The following ACP7 variants were observed in gnomAD, a reference collection of about 807,000 sequenced individuals.
ACP7 encodes the protein acid phosphatase 7, tartrate resistant (putative).
Under a neutral mutation model 60.6 loss-of-function variants are expected in ACP7, and 58 were observed. The observed-to-expected ratio is 0.96, with a 90% CI of 0.77 to 1.19. The LOEUF is 1.19. Ranked by LOEUF, ACP7 falls within the 50% of genes most tolerant of loss-of-function variation. The pLI, the probability that ACP7 is intolerant of heterozygous loss-of-function variation, is 0.00. For missense variants in ACP7, 574 were observed against 596.2 expected (o/e 0.96, Z 0.39); for synonymous variants, 237 against 232.6 (o/e 1.02, Z -0.17).
At chr19:39,106,901 C>T (rs777821065) in intron 11 of ACP7, 46 bp from the exon 12 acceptor site, 12 of 1,606,768 alleles carry the variant, frequency 7.5e-6, no homozygotes, top group Middle Eastern at 3.4e-4. Flanking sequence ...TGCTTCCCCG[C>T]GGGTCCTCCA....
intron 11 of ACP7, among the ~76,000 whole-genome samples, chr19:39,103,466 T>TTTTTTTC (rs2073379606): frequency 9.5e-6 from 1 of 105,554 alleles, no homozygotes; most frequent in African/African-American, 3.2e-5. Context: ...TTTTTTTTTT[T>TTTTTTTC]GCTCAGCCTT....
At chr19:39,101,931 C>T (rs1278129301) in intron 11 of ACP7, among the ~76,000 whole-genome samples, 1 of 137,254 alleles carries the variant, frequency 7.3e-6, no homozygotes, top group Non-Finnish European at 1.5e-5. Context: ...TACAGCAAAA[C>T]CTTGTCTATA....
chr19:39,106,072 C>T (rs2073408224), intron 11 of ACP7, among the ~76,000 whole-genome samples: 1 of 152,180 alleles, frequency 6.6e-6, no homozygotes, highest in Non-Finnish European at 1.5e-5. Context: ...ATCCTTGCTT[C>T]AATCCAGTAC....
chr19:39,101,605 C>A, intron 11 of ACP7, 68 bp downstream of exon 11: 1 of 1,513,010 alleles, frequency 6.6e-7, no homozygotes, highest in East Asian at 2.4e-5. Flanking sequence ...AACTTTGTTC[C>A]AGACTGAGTG....
chr19:39,087,549 C>T (rs1396655898), intron 2 of ACP7, among the ~76,000 whole-genome samples: 3 of 151,778 alleles, frequency 2.0e-5, no homozygotes, highest in Admixed American at 6.6e-5. Context: ...GCAACCTCAA[C>T]TCCGAGACTC....
chr19:39,088,727 GT>G (rs1397936762), intron 2 of ACP7, among the ~76,000 whole-genome samples: 13 of 19,552 alleles, frequency 6.6e-4, no homozygotes, highest in African/African-American at 3.9e-3. Context: ...ATCTTTGTGG[GT>G]TTGTTTGTTT....
At position 39,110,211 on chromosome 19, in the gene ACP7, G is replaced by A. The variant is rs1034739141; in HGVS notation, c.*93G>A. ...CAGGCCTGGGTGGGGAGTTGGGTGG[G>A]CCCTGACTCCCCTGCCCTCCAGAGG... On this transcript the variant is annotated 3_prime_UTR_variant, in exon 13 of 13. Transcript: ENST00000331256. The A allele has an allele frequency of 2.1e-5, 25 of 1,218,914 alleles. No homozygotes were observed. The highest frequency in any genetic ancestry group is 3.0e-5 in the Non-Finnish European group (25 of 838,512). 75.5% of individuals were successfully genotyped at this position (1,218,914 alleles called of 1,614,324 possible). A position where few individuals can be genotyped will look rare whatever the true frequency, so the allele number is the denominator to read the frequency against.
rs2073440736 is a variant in ACP7 at position 39,109,021 on chromosome 19, C to T, written c.1252-1032C>T. ...ATTTTTAGTAGAGATGGGGTTTCAC[C>T]ATGTTAGCCAGGCTGGTCTTGAACT... On this transcript the variant is annotated intron_variant, in intron 12 of 12. Transcript: ENST00000331256. Among the ~76,000 whole-genome samples the T allele has an allele frequency of 1.3e-5, 2 of 152,040 alleles. 1 individual carries two copies. Among genetic ancestry groups the T allele is most frequent in the South Asian group, 4.2e-4 (2 of 4,818 alleles).
Position 39,100,964 on chromosome 19 carries a change from C to G in ACP7, c.823C>G (p.Arg275Gly). ...TTCTCCCTAGAAAGCCAATAAGAACCGGGCAGCCCGGCCGTGGATCATCAC... is the reference window on the plus strand; with the variant it reads ...TTCTCCCTAGAAAGCCAATAAGAACGGGGCAGCCCGGCCGTGGATCATCAC... ...ESDLQKANKN[R>G]AARPWIITMG... Residue 275 changes from arginine to glycine, a missense_variant, in exon 8 of 13, where the codon CGG (arginine) becomes GGG (glycine). Arg to Gly is a moderately radical substitution (Grantham distance 125). Coordinates refer to ENST00000331256, the MANE Select transcript of ACP7 (RefSeq NM_001004318.3). 1 of 1,613,566 alleles carries G rather than the reference C, an allele frequency of 6.2e-7. No homozygotes were observed. The highest frequency in any genetic ancestry group is 1.1e-5 in the South Asian group (1 of 91,076).
chr19:39,098,838 G>C, intron 3 of ACP7, 122 bp from the exon 4 acceptor site: 2 of 1,432,842 alleles, frequency 1.4e-6, no homozygotes, highest in African/African-American at 1.4e-5. Context: ...AGACCGAAGG[G>C]GCATGGGCCA....
intron 2 of ACP7, among the ~76,000 whole-genome samples, chr19:39,088,918 G>A (rs2073174338): frequency 6.7e-6 from 1 of 148,428 alleles, no homozygotes; most frequent in African/African-American, 2.5e-5. Context: ...GCTGATTTTT[G>A]TATTTGTATT....
intron 12 of ACP7, among the ~76,000 whole-genome samples, chr19:39,107,664 T>C (rs1204390872): frequency 6.7e-6 from 1 of 150,146 alleles, no homozygotes; most frequent in Non-Finnish European, 1.5e-5. Context: ...GGTGGGCAGA[T>C]CACTTGAAGT....
chr19:39,107,168 C>A (rs532191108), intron 12 of ACP7, 84 bp downstream of exon 12: 1 of 1,371,936 alleles, frequency 7.3e-7, no homozygotes, highest in Non-Finnish European at 9.6e-7. Flanking sequence ...TGGGCTCGGC[C>A]GGGCGCAGTG....
chr19:39,100,525 T>C, intron 5 of ACP7, 55 bp from the exon 6 acceptor site: 2 of 1,604,922 alleles, frequency 1.2e-6, no homozygotes, highest in African/African-American at 2.7e-5. Context: ...GGTATAGGAG[T>C]AGGGCTATGA....
intron 2 of ACP7, among the ~76,000 whole-genome samples, chr19:39,095,552 G>A (rs191143228): frequency 1.2e-3 from 179 of 152,320 alleles, no homozygotes; most frequent in Middle Eastern, 6.8e-3. Context: ...TTCACAGGCT[G>A]GCATTGAGTT....
At chr19:39,090,343 T>G (rs2073190234) in intron 2 of ACP7, among the ~76,000 whole-genome samples, 1 of 152,028 alleles carries the variant, frequency 6.6e-6, no homozygotes, top group African/African-American at 2.4e-5. Flanking sequence ...CAAGTTTTTG[T>G]AATTTAGTAG....
At position 39,107,003 on chromosome 19, in the gene ACP7, G is replaced by A. The variant is rs761043160; in HGVS notation, c.1170G>A (p.Val390=). ...TCTTCCCGAGGCCCTGGAGTGCCGTGCGTGTGAAGGAGTACGGGTATACGC... is the reference window on the plus strand; with the variant it reads ...TCTTCCCGAGGCCCTGGAGTGCCGTACGTGTGAAGGAGTACGGGTATACGC... ...FAVFPRPWSA[V]RVKEYGYTRL... Residue 390 remains valine, a synonymous_variant, in exon 12 of 13, where the codon GTG becomes GTA. Coordinates refer to ENST00000331256, the MANE Select transcript of ACP7 (RefSeq NM_001004318.3). 1 of 1,614,090 alleles carries A rather than the reference G, an allele frequency of 6.2e-7. No homozygotes were observed. Among genetic ancestry groups the A allele is most frequent in the Admixed American group, 1.7e-5 (1 of 60,002 alleles).
At chr19:39,089,333 G>A (rs550092346) in intron 2 of ACP7, among the ~76,000 whole-genome samples, 1 of 152,240 alleles carries the variant, frequency 6.6e-6, no homozygotes, top group East Asian at 1.9e-4. Flanking sequence ...CTCCCAAACT[G>A]CTGGGATTAC....
chr19:39,103,850 A>C (rs1421964471), intron 11 of ACP7, among the ~76,000 whole-genome samples: 1 of 151,964 alleles, frequency 6.6e-6, no homozygotes, highest in African/African-American at 2.4e-5. Context: ...TTTTTAATAG[A>C]GACAGTCTCA....
Sources: gnomAD v4.1 joint callset for allele counts (sites outside exome capture counted in the v4.1 genomes callset) on GRCh38, gnomAD v4.1.1 for gene constraint, MANE v1.5 for transcripts, NCBI Gene and HGNC (gene_info 2026-07-23, HGNC 2026-07-21) for gene names.